Variants in MROH9 observed in about 807,000 individuals in gnomAD.
MROH9 encodes the protein maestro heat-like repeat-containing protein family member 9.
A neutral mutation model predicts 98.2 loss-of-function variants in MROH9; 92 were observed. The ratio of observed to expected loss-of-function variants is 0.94; its 90% CI spans 0.79 to 1.11. The LOEUF (loss-of-function observed/expected upper bound fraction) is 1.11, where lower values mean the gene tolerates loss of function less well. Among genes scored for constraint, MROH9 ranks in the 50% most tolerant of loss-of-function variants. The pLI, the probability that MROH9 is intolerant of heterozygous loss-of-function variation, is 0.00. For synonymous variants in MROH9, 397 were observed against 368.9 expected (o/e 1.08, Z -0.87); for missense variants, 1,057 against 1,014.8 (o/e 1.04, Z -0.57).
At chr1:170,989,583 T>C (rs1188526234) in intron 10 of MROH9, among the ~76,000 whole-genome samples, 5 of 152,380 alleles carry the variant, frequency 3.3e-5, no homozygotes, top group African/African-American at 9.6e-5. Context: ...ATATTTCTTA[T>C]GTAATGAATT....
rs113047393 is a variant in MROH9, at chr1:170,935,790, G to A, written c.-38+203G>A. ...GGGCGGATCATGAGGTCAGGAGGTCGAGACCACCCTAGGCAACTTGGTGAA... is the reference window on the plus strand; with the variant it reads ...GGGCGGATCATGAGGTCAGGAGGTCAAGACCACCCTAGGCAACTTGGTGAA... On this transcript the variant is annotated intron_variant, in intron 1 of 21. Transcript: ENST00000367759. Among the ~76,000 whole-genome samples the A allele has an allele frequency of 9.3e-3, 1,409 of 151,672 alleles. 22 individuals carry two copies. Among genetic ancestry groups the A allele is most frequent in the African/African-American group, 0.032 (1,341 of 41,352 alleles).
At chr1:170,947,037 T>C (rs2101872374) in intron 2 of MROH9, among the ~76,000 whole-genome samples, 1 of 152,138 alleles carries the variant, frequency 6.6e-6, no homozygotes, top group African/African-American at 2.4e-5. Flanking sequence ...AATCTTTGTT[T>C]TATTCTTTAC....
intron 2 of MROH9, among the ~76,000 whole-genome samples, chr1:170,947,016 G>A (rs1434987167): frequency 2.0e-5 from 3 of 151,738 alleles, no homozygotes; most frequent in Non-Finnish European, 4.4e-5. Context: ...AATGATGGTG[G>A]TAGTAATGAT....
intron 20 of MROH9, among the ~76,000 whole-genome samples, chr1:171,040,499 A>T (rs951667781): frequency 6.6e-6 from 1 of 152,144 alleles, no homozygotes; most frequent in Admixed American, 6.5e-5. Flanking sequence ...CGCTAGGTAT[A>T]TGTATATCAA....
Position 170,936,030 on chromosome 1 carries a change from T to C in MROH9, c.-38+443T>C, listed in dbSNP as rs893045674. On this transcript the variant is annotated intron_variant, in intron 1 of 21. Transcript: ENST00000367759. ...AAAAGAAAAGAAAAAGAAAATTACA[T>C]TACTATGGGCCCTCATCCAGAAATC... Among the ~76,000 whole-genome samples the C allele has an allele frequency of 4.1e-5, 6 of 145,026 alleles. No homozygotes were observed. In the East Asian group the frequency reaches 1.2e-3, roughly 29 times the overall value.
At chr1:170,995,588 A>G in intron 13 of MROH9, 57 bp downstream of exon 13, 2 of 1,586,680 alleles carry the variant, frequency 1.3e-6, no homozygotes, top group South Asian at 1.1e-5. Flanking sequence ...AGCTGTCAAT[A>G]CTTCTACCCT....
chr1:171,024,539 G>C lies in MROH9; in HGVS notation c.2053G>C (p.Val685Leu). The C allele has an allele frequency of 6.5e-7, 1 of 1,529,446 alleles. No homozygotes were observed. Among genetic ancestry groups the C allele is most frequent in the East Asian group, 2.5e-5 (1 of 40,730 alleles). 94.7% of individuals were successfully genotyped at this position (1,529,446 alleles called of 1,614,324 possible). ...ILFLEDDDKR[V>L]AEACKYTLKI... The stretch of plus-strand genomic sequence containing the variant: ...ATTTTTGGAGGATGATGATAAAAGA[G>C]TAGCTGAAGTAAGTCATTTGATCTT... The change falls in exon 18 of 22, where the codon GTA (valine) becomes CTA (leucine). Residue 685 changes from valine to leucine, a missense_variant. Transcript: ENST00000367759.
chr1:170,999,352 A>G, intron 15 of MROH9, among the ~76,000 whole-genome samples: 1 of 152,110 alleles, frequency 6.6e-6, no homozygotes, highest in East Asian at 1.9e-4. Flanking sequence ...AGTCCATTGT[A>G]TCATTCTTAT....
At chr1:170,942,485 A>C (rs991602456) in intron 1 of MROH9, among the ~76,000 whole-genome samples, 6 of 152,060 alleles carry the variant, frequency 3.9e-5, no homozygotes, top group African/African-American at 1.2e-4. Context: ...GTATGTCTTC[A>C]ATCCTGTGAA....
intron 20 of MROH9, among the ~76,000 whole-genome samples, chr1:171,058,152 CA>C (rs1653904394): frequency 6.6e-6 from 1 of 152,006 alleles, no homozygotes; most frequent in Non-Finnish European, 1.5e-5. Context: ...TGTCAGGATA[CA>C]AAATCAATGT....
intron 20 of MROH9, among the ~76,000 whole-genome samples, chr1:171,054,108 A>C (rs926823422): frequency 6.6e-6 from 1 of 152,266 alleles, no homozygotes; most frequent in African/African-American, 2.4e-5. Context: ...CTGTTTAGCA[A>C]GTTTTCTAGA....
chr1:171,058,398 A>G (rs1214829119), intron 20 of MROH9, among the ~76,000 whole-genome samples: 4 of 152,100 alleles, frequency 2.6e-5, no homozygotes, highest in Admixed American at 1.3e-4. Context: ...AGAAGAATCA[A>G]TATCGTGAAA....
intron 20 of MROH9, among the ~76,000 whole-genome samples, chr1:171,026,498 T>TC (rs146990598): frequency 0.093 from 14,106 of 152,030 alleles, 769 homozygotes; most frequent in Middle Eastern, 0.17. Flanking sequence ...GGTCTTGAAC[T>TC]CTGACCTAAA....
intron 1 of MROH9, among the ~76,000 whole-genome samples, chr1:170,936,731 G>T (rs1468546366): frequency 6.6e-6 from 1 of 152,066 alleles, no homozygotes; most frequent in African/African-American, 2.4e-5. Context: ...AAATGTAGTG[G>T]GATTGATAAG....
chr1:171,025,213 A>T (rs1033403005), intron 19 of MROH9, 105 bp from the exon 20 acceptor site: 1 of 658,712 alleles, frequency 1.5e-6, no homozygotes. Context: ...AAGCATCCCC[A>T]ATTTCTAATT....
In MROH9 at chr1:171,062,147, C is replaced by T; in HGVS notation, c.2297C>T (p.Ser766Leu). Residue 766 changes from serine to leucine, a missense_variant, in exon 21 of 22, where the codon TCA (serine) becomes TTA (leucine). By Grantham distance (145) the Ser-to-Leu change is moderately radical. Coordinates refer to ENST00000367759, the MANE Select transcript of MROH9 (RefSeq NM_001163629.2). The stretch of plus-strand genomic sequence containing the variant: ...ATGTGCATAGGATATTTGGCAAAAT[C>T]AGGTGGTCATTTACTGCTTAGAGAT... ...SVILIGYLAK[S>L]GGHLLLRDEI... 2 of 1,548,892 alleles carry T rather than the reference C, an allele frequency of 1.3e-6. No homozygotes were observed. Among genetic ancestry groups the T allele is most frequent in the Non-Finnish European group, 1.7e-6 (2 of 1,144,656 alleles).
chr1:171,011,634 G>T (rs1193548090), intron 15 of MROH9, among the ~76,000 whole-genome samples: 1 of 152,108 alleles, frequency 6.6e-6, no homozygotes, highest in South Asian at 2.1e-4. Context: ...GCCAGGGTCT[G>T]CCATTGGAAA....
intron 20 of MROH9, among the ~76,000 whole-genome samples, chr1:171,047,499 A>G (rs1653505680): frequency 6.6e-6 from 1 of 152,126 alleles, no homozygotes; most frequent in African/African-American, 2.4e-5. Context: ...TTTCTGCTTG[A>G]TTCTTTTTCA....
chr1:170,959,979 G>T (rs1649954214), intron 5 of MROH9, among the ~76,000 whole-genome samples: 1 of 152,170 alleles, frequency 6.6e-6, no homozygotes, highest in East Asian at 1.9e-4. Flanking sequence ...CAGTGAACTT[G>T]CTCTATAAGC....
Sources: gnomAD v4.1 joint callset for allele counts (sites outside exome capture counted in the v4.1 genomes callset) on GRCh38, gnomAD v4.1.1 for gene constraint, MANE v1.5 for transcripts, NCBI Gene and HGNC (gene_info 2026-07-23, HGNC 2026-07-21) for gene names.